Variants in EPHA6 observed in about 807,000 individuals in gnomAD.
EPHA6 encodes EPH receptor A6, also known as ephrin type-A receptor 6.
Under a neutral mutation model 112.0 loss-of-function variants are expected in EPHA6, and 50 were observed. The observed-to-expected ratio is 0.45, with a 90% CI of 0.36 to 0.56. The LOEUF (loss-of-function observed/expected upper bound fraction) is 0.56. EPHA6 is among the 20% of genes least tolerant of loss of function. EPHA6 has a pLI of 0.00. For missense variants in EPHA6, 1,280 were observed against 1,417.4 expected, an observed-to-expected ratio of 0.90 and a Z score of 1.56; for synonymous variants, 529 against 490.7, an observed-to-expected ratio of 1.08 and a Z score of -1.03.
chr3:97,000,280 C>T (rs1294915989), intron 3 of EPHA6, among the ~76,000 whole-genome samples: 19 of 114,132 alleles, frequency 1.7e-4, no homozygotes, highest in African/African-American at 7.3e-4. Context: ...CACACACACA[C>T]ACACACACAC....
At chr3:96,889,761 A>T (rs1184648334) in intron 2 of EPHA6, among the ~76,000 whole-genome samples, 1 of 152,204 alleles carries the variant, frequency 6.6e-6, no homozygotes, top group Non-Finnish European at 1.5e-5. Context: ...AGGCATTTAC[A>T]CCACAAAATA....
chr3:97,025,372 C>T (rs1268881923), intron 3 of EPHA6, among the ~76,000 whole-genome samples: 2 of 151,936 alleles, frequency 1.3e-5, no homozygotes, highest in African/African-American at 2.4e-5. Flanking sequence ...GATATTAGTA[C>T]TTTGGGTAGA....
chr3:97,570,585 C>G (rs930395722), intron 11 of EPHA6, among the ~76,000 whole-genome samples: 2 of 152,102 alleles, frequency 1.3e-5, no homozygotes, highest in African/African-American at 4.8e-5. Flanking sequence ...CAAAAATTAG[C>G]TGGGCATGGT....
At chr3:96,939,271 C>A (rs1433936184) in intron 2 of EPHA6, among the ~76,000 whole-genome samples, 1 of 152,112 alleles carries the variant, frequency 6.6e-6, no homozygotes, top group African/African-American at 2.4e-5. Flanking sequence ...TTGATTATTG[C>A]CACAATTTCA....
In EPHA6 at chr3:97,686,812, G is replaced by A. The variant is rs374705325; in HGVS notation, c.2785-33449G>A. Among the ~76,000 whole-genome samples, 14 of 152,272 alleles carry A rather than the reference G, an allele frequency of 9.2e-5. No individual in the cohort carries two copies. In the South Asian group the frequency reaches 2.7e-3, roughly 29 times the overall value. ...TAAAGAGATGCATTTATAACCATCA[G>A]GGAACACTGAATCTTGGAGTCTGTG... is the stretch of plus-strand genomic sequence containing the variant. On this transcript the variant is annotated intron_variant, in intron 14 of 17. Coordinates refer to ENST00000389672, the MANE Select transcript of EPHA6 (RefSeq NM_001080448.3).
intron 3 of EPHA6, among the ~76,000 whole-genome samples, chr3:97,006,347 G>C (rs200791940): frequency 1.3e-5 from 2 of 151,474 alleles, no homozygotes; most frequent in Admixed American, 1.3e-4. Flanking sequence ...GGGTGTATGC[G>C]TCCAGGAAGT....
At chr3:97,424,074 G>T (rs1387059185) in intron 6 of EPHA6, among the ~76,000 whole-genome samples, 3 of 152,180 alleles carry the variant, frequency 2.0e-5, no homozygotes, top group African/African-American at 7.2e-5. Flanking sequence ...CCACATGGCT[G>T]GTGAGGCCTC....
intron 10 of EPHA6, among the ~76,000 whole-genome samples, chr3:97,513,633 A>T (rs552596821): frequency 7.6e-4 from 115 of 150,710 alleles, no homozygotes; most frequent in Middle Eastern, 3.2e-3. Flanking sequence ...TTGATCTCTT[A>T]GAAATAGAGC....
intron 5 of EPHA6, among the ~76,000 whole-genome samples, chr3:97,262,099 A>G (rs1352523830): frequency 6.6e-6 from 1 of 152,192 alleles, no homozygotes; most frequent in Non-Finnish European, 1.5e-5. Context: ...AAAATAAATA[A>G]TGAAAAGATT....
At chr3:97,012,707 C>G (rs1254742319) in intron 3 of EPHA6, among the ~76,000 whole-genome samples, 4 of 150,310 alleles carry the variant, frequency 2.7e-5, no homozygotes, top group African/African-American at 4.9e-5. Flanking sequence ...CAATCTGCCC[C>G]CCTCGGCCTC....
rs148021758 is a variant in EPHA6, at chr3:97,080,950, A to G, written c.1114+92957A>G. On this transcript the variant is annotated intron_variant, in intron 3 of 17. Coordinates refer to ENST00000389672, the MANE Select transcript of EPHA6 (RefSeq NM_001080448.3). ...CCATAAGGTGAGAAACAGACTTTAA[A>G]AAGTAATGACTCACTCTTTTACAAA... 1.6e-4 allele frequency among the ~76,000 whole-genome samples: 25 copies of G among 152,168 alleles called. No homozygotes were observed. In the East Asian group the frequency reaches 4.4e-3, roughly 27 times the overall value.
At chr3:97,720,494 C>A in intron 15 of EPHA6, 84 bp downstream of exon 15, 1 of 1,272,888 alleles carries the variant, frequency 7.9e-7, no homozygotes, top group South Asian at 1.7e-5. Flanking sequence ...TGTCCTCACT[C>A]AGATTGGCCT....
At chr3:97,198,850 T>C (rs1221080819) in intron 3 of EPHA6, among the ~76,000 whole-genome samples, 2 of 152,142 alleles carry the variant, frequency 1.3e-5, no homozygotes, top group Admixed American at 6.5e-5. Flanking sequence ...AAAGCAGTTT[T>C]CACTGGCTTA....
chr3:96,870,220 A>G (rs2036557221), intron 2 of EPHA6, among the ~76,000 whole-genome samples: 1 of 152,064 alleles, frequency 6.6e-6, no homozygotes, highest in Non-Finnish European at 1.5e-5. Flanking sequence ...ATGAAATCCC[A>G]TGATCTACAA....
intron 11 of EPHA6, among the ~76,000 whole-genome samples, chr3:97,583,194 C>G (rs1433325874): frequency 6.6e-6 from 1 of 151,844 alleles, no homozygotes; most frequent in Non-Finnish European, 1.5e-5. Context: ...TGCTGCTTAA[C>G]AACGCCTTAG....
In EPHA6 at chr3:97,758,650, A is replaced by G. The variant is rs1468765786; in HGVS notation, c.*9949A>G. Among the ~76,000 whole-genome samples, 1 of 151,992 alleles carries G rather than the reference A, an allele frequency of 6.6e-6. No homozygotes were observed. Among genetic ancestry groups the G allele is most frequent in the Non-Finnish European group, 1.5e-5 (1 of 67,902 alleles). On this transcript the variant is annotated 3_prime_UTR_variant, in exon 18 of 18. Transcript: ENST00000389672. Reference sequence around the variant, plus strand: ...GTGATGTGCTGTGCTTATAATTAAAAATGTTACATAGCATGACTGTGGCTC... The same window carrying G: ...GTGATGTGCTGTGCTTATAATTAAAGATGTTACATAGCATGACTGTGGCTC...
At chr3:97,419,974 G>A (rs2088479071) in intron 6 of EPHA6, among the ~76,000 whole-genome samples, 1 of 151,894 alleles carries the variant, frequency 6.6e-6, no homozygotes, top group Admixed American at 6.6e-5. Context: ...GTAAAAAATG[G>A]GTTGTATTAC....
chr3:97,557,869 T>G (rs1049068721), intron 11 of EPHA6, among the ~76,000 whole-genome samples: 1 of 151,858 alleles, frequency 6.6e-6, no homozygotes, highest in Middle Eastern at 3.4e-3. Context: ...TTTCTTAATA[T>G]CTCATTATAA....
chr3:97,058,402 A>T (rs867720024), intron 3 of EPHA6, among the ~76,000 whole-genome samples: 1 of 151,898 alleles, frequency 6.6e-6, no homozygotes. Flanking sequence ...GGTTCAAGAG[A>T]TTCTCCTGCC....
Sources: allele counts gnomAD v4.1 joint callset (sites outside exome capture counted in the v4.1 genomes callset), GRCh38; gene constraint gnomAD v4.1.1; transcripts MANE v1.5; gene names NCBI Gene and HGNC (gene_info 2026-07-23, HGNC 2026-07-21).